The following SYNPO2 variants were observed in gnomAD, a reference collection of about 807,000 sequenced individuals.
SYNPO2 encodes the protein synaptopodin 2.
SYNPO2 carries 56 observed loss-of-function variants against 85.0 expected under a neutral mutation model. The observed-to-expected ratio is 0.66, with a 90% CI of 0.53 to 0.82. The LOEUF is 0.82. Among genes scored for constraint, SYNPO2 ranks in the 40% least tolerant of loss-of-function variants. The pLI, the probability that SYNPO2 is intolerant of heterozygous loss-of-function variation, is 0.00. For missense variants in SYNPO2, 1,575 were observed against 1,534.2 expected (o/e 1.03, Z -0.44); for synonymous variants, 602 against 591.1 (o/e 1.02, Z -0.27).
At chr4:118,988,649 G>T (rs1055761271) in intron 1 of SYNPO2, among the ~76,000 whole-genome samples, 1 of 152,102 alleles carries the variant, frequency 6.6e-6, no homozygotes, top group Non-Finnish European at 1.5e-5. Context: ...TTAATAAATG[G>T]CCACAGCTTT....
chr4:119,040,073 C>A (rs556068058), intron 4 of SYNPO2, among the ~76,000 whole-genome samples: 1 of 152,280 alleles, frequency 6.6e-6, no homozygotes, highest in African/African-American at 2.4e-5. Context: ...GTGTACCTCA[C>A]AAGTTGTTAT....
chr4:118,865,208 G>A (rs1731679262), intron 1 of SYNPO2, among the ~76,000 whole-genome samples: 1 of 152,208 alleles, frequency 6.6e-6, no homozygotes, highest in African/African-American at 2.4e-5. Flanking sequence ...CTACGCACTG[G>A]AATCAGCAGC....
intron 1 of SYNPO2, among the ~76,000 whole-genome samples, chr4:118,999,901 C>G (rs763422071): frequency 6.6e-6 from 1 of 152,166 alleles, no homozygotes; most frequent in African/African-American, 2.4e-5. Flanking sequence ...ATGTTCAATA[C>G]CACCGTGTAT....
intron 1 of SYNPO2, among the ~76,000 whole-genome samples, chr4:118,991,201 G>A (rs760950719): frequency 2.0e-5 from 3 of 152,152 alleles, no homozygotes; most frequent in Non-Finnish European, 2.9e-5. Context: ...AGGCTGGAGT[G>A]TAGTGGGGCC....
intron 1 of SYNPO2, among the ~76,000 whole-genome samples, chr4:118,891,723 T>C (rs1560830167): frequency 6.6e-6 from 1 of 152,218 alleles, no homozygotes; most frequent in East Asian, 1.9e-4. Flanking sequence ...GATAGCTTAT[T>C]AGGGCTGGAT....
intron 1 of SYNPO2, among the ~76,000 whole-genome samples, chr4:118,989,955 C>G (rs546704530): frequency 1.1e-4 from 16 of 152,198 alleles, no homozygotes; most frequent in Non-Finnish European, 1.8e-4. Flanking sequence ...TTAAATCTTT[C>G]ATGAATACAG....
At chr4:118,887,159 C>A (rs1453724129), upstream of SYNPO2, among the ~76,000 whole-genome samples, 1 of 127,844 alleles carries the variant, frequency 7.8e-6, no homozygotes, top group Non-Finnish European at 1.6e-5. Flanking sequence ...TGGTCCCCAT[C>A]TGAGTGAGTG....
intron 1 of SYNPO2, among the ~76,000 whole-genome samples, chr4:118,903,904 C>A (rs1312254151): frequency 6.6e-6 from 1 of 152,030 alleles, no homozygotes; most frequent in South Asian, 2.1e-4. Context: ...GTAGTTTCAA[C>A]AAGGGGTTTC....
rs1560997605 is a variant in SYNPO2, at chr4:119,027,342, T to C, written c.973T>C (p.Ser325Pro). ...GQSEAPPSLV[S>P]FAVSSEGTEQ... ...GTCAGAAGCACCTCCTTCTCTGGTA[T>C]CCTTTGCCGTCTCATCAGAAGGCAC... Residue 325 changes from serine to proline, a missense_variant, in exon 3 of 5, where the codon TCC (serine) becomes CCC (proline). Around this residue, in one of 3 missense-constraint regions of SYNPO2, gnomAD observed 1,508 missense variants for 1,446.8 expected, o/e 1.04. Transcript: ENST00000307142. 1 of 1,614,036 alleles carries C rather than the reference T, an allele frequency of 6.2e-7. No homozygotes were observed. The highest frequency in any genetic ancestry group is 8.5e-7 in the Non-Finnish European group (1 of 1,180,024).
chr4:119,015,115 A>T (rs1344382340), intron 1 of SYNPO2, among the ~76,000 whole-genome samples: 1 of 152,204 alleles, frequency 6.6e-6, no homozygotes, highest in African/African-American at 2.4e-5. Flanking sequence ...TATATGTATT[A>T]TAGTTTGACA....
intron 1 of SYNPO2, among the ~76,000 whole-genome samples, chr4:118,853,680 A>G (rs1402607870): frequency 2.0e-5 from 3 of 152,124 alleles, no homozygotes; most frequent in African/African-American, 7.2e-5. Flanking sequence ...GGTGAGTTAA[A>G]TCCTTCTGGT....
At chr4:118,877,082 A>C (rs1731939741) in intron 1 of SYNPO2, among the ~76,000 whole-genome samples, 1 of 152,038 alleles carries the variant, frequency 6.6e-6, no homozygotes. Flanking sequence ...CTGGGATTGC[A>C]GGGAGCCACT....
intron 1 of SYNPO2, among the ~76,000 whole-genome samples, chr4:118,941,682 A>T (rs2149137902): frequency 6.6e-6 from 1 of 152,214 alleles, no homozygotes; most frequent in East Asian, 1.9e-4. Context: ...TGTCTCAATG[A>T]TTTTAATTTG....
intron 1 of SYNPO2, among the ~76,000 whole-genome samples, chr4:119,021,149 G>A (rs576602897): frequency 2.6e-5 from 4 of 152,258 alleles, no homozygotes; most frequent in Admixed American, 1.3e-4. Context: ...ACAATAGAAG[G>A]ATGGGCCCTC....
At chr4:118,858,943 C>T (rs1388829848) in intron 1 of SYNPO2, among the ~76,000 whole-genome samples, 2 of 152,122 alleles carry the variant, frequency 1.3e-5, no homozygotes, top group African/African-American at 4.8e-5. Flanking sequence ...TCATAACCAC[C>T]CACATCCCAT....
At chr4:119,023,698 G>T (rs1240361215) in intron 2 of SYNPO2, 117 bp downstream of exon 2, 7 of 1,165,560 alleles carry the variant, frequency 6.0e-6, no homozygotes, top group South Asian at 5.4e-5. Flanking sequence ...TTTGTAGAAG[G>T]TTAGGTATAG....
chr4:119,057,887 GATTA>G lies in SYNPO2; in HGVS notation c.3740_3743del (p.Asp1247AlafsTer17). On this transcript the variant is annotated frameshift_variant, in exon 5 of 5. Transcript: ENST00000307142. LOFTEE classifies it high-confidence loss of function. The stretch of plus-strand genomic sequence containing the variant: ...GTCTGATTACTGTCTTCCAGTAGCT[GATTA>G]CAACTACAACCCACACCCAAGGGGA... 6.2e-7 allele frequency: 1 copy of G among 1,613,988 alleles called. No individual in the cohort carries two copies. Among genetic ancestry groups the G allele is most frequent in the Non-Finnish European group, 8.5e-7 (1 of 1,179,994 alleles).
intron 1 of SYNPO2, among the ~76,000 whole-genome samples, chr4:118,916,935 C>A (rs1733356551): frequency 6.6e-6 from 1 of 151,852 alleles, no homozygotes; most frequent in South Asian, 2.1e-4. Context: ...GAGTCTTGCT[C>A]TGTTGTCCAG....
chr4:118,941,963 C>A (rs1734327987), intron 1 of SYNPO2, among the ~76,000 whole-genome samples: 1 of 152,120 alleles, frequency 6.6e-6, no homozygotes, highest in Non-Finnish European at 1.5e-5. Context: ...TAGGAGCTAT[C>A]CCTGGTTGGC....
Sources: allele counts gnomAD v4.1 joint callset (sites outside exome capture counted in the v4.1 genomes callset), GRCh38; gene constraint gnomAD v4.1.1; regional missense constraint gnomAD v4.1.1; transcripts MANE v1.5; gene names NCBI Gene and HGNC (gene_info 2026-07-23, HGNC 2026-07-21).